Variants in GPR83 observed in about 807,000 individuals in gnomAD.
GPR83 encodes G protein-coupled receptor 83, also known as G-protein coupled receptor 72.
In GPR83, 23 loss-of-function variants were observed where a neutral mutation model predicts 28.0. The observed-to-expected ratio is 0.82, with a 90% CI of 0.59 to 1.16. GPR83 has a LOEUF of 1.16. Ranked by LOEUF, GPR83 falls within the 50% of genes most tolerant of loss-of-function variation. The pLI, the probability that GPR83 is intolerant of heterozygous loss-of-function variation, is 0.00. For synonymous variants in GPR83, 234 were observed against 215.4 expected (o/e 1.09, Z -0.76); for missense variants, 610 against 536.6 (o/e 1.14, Z -1.35).
At chr11:94,386,663 C>T (rs1159994365) in intron 3 of GPR83, among the ~76,000 whole-genome samples, 2 of 152,068 alleles carry the variant, frequency 1.3e-5, no homozygotes, top group African/African-American at 2.4e-5. Flanking sequence ...ACAGGAGCAC[C>T]CAGATTCATA....
At chr11:94,383,569 A>T (rs978351897) in intron 3 of GPR83, among the ~76,000 whole-genome samples, 3 of 152,170 alleles carry the variant, frequency 2.0e-5, no homozygotes, top group Non-Finnish European at 4.4e-5. Flanking sequence ...AAAGATCAAC[A>T]AACTTGATAG....
At chr11:94,397,791 C>T (rs1944879680) in intron 1 of GPR83, among the ~76,000 whole-genome samples, 1 of 152,196 alleles carries the variant, frequency 6.6e-6, no homozygotes, top group Admixed American at 6.5e-5. Context: ...AAGGCATTGG[C>T]ACTGGATCAG....
intron 1 of GPR83, among the ~76,000 whole-genome samples, chr11:94,398,820 C>A (rs760972190): frequency 1.8e-4 from 28 of 152,174 alleles, no homozygotes; most frequent in Non-Finnish European, 2.8e-4. Flanking sequence ...TCCCTCCCCA[C>A]AACCTTCTCC....
Position 94,401,188 on chromosome 11 carries a change from G to C in GPR83, c.60C>G (p.His20Gln). The change falls in exon 1 of 4, where the codon CAC (histidine) becomes CAG (glutamine). Residue 20 changes from histidine (H) to glutamine (Q), a missense_variant. His to Gln is a conservative substitution (Grantham distance 24). Coordinates refer to ENST00000243673, the MANE Select transcript of GPR83 (RefSeq NM_016540.4). ...CGCTCTGCTCGTCGGCCCGGCCCTC[G>C]TGGGGCTCGGTGGCTCGCACCAAGG... Reference protein sequence around the residue: ...LLPLVRATEPHEGRADEQSAE... With the variant: ...LLPLVRATEPQEGRADEQSAE... 1 of 1,613,258 alleles carries C rather than the reference G, an allele frequency of 6.2e-7. No homozygotes were observed. Among genetic ancestry groups the C allele is most frequent in the Non-Finnish European group, 8.5e-7 (1 of 1,179,688 alleles).
chr11:94,401,064 C>A lies in GPR83; in HGVS notation c.184G>T (p.Gly62Cys). The change falls in exon 1 of 4, where the codon GGC (glycine) becomes TGC (cysteine). Residue 62 changes from glycine to cysteine, a missense_variant. Transcript: ENST00000243673. The part of the protein sequence containing the change: ...WQNFVGRRRY[G>C]AESQNPTVKA... ...ACCGTGGGGTTCTGGGACTCAGCGC[C>A]GTAGCGCCTCCTGCCCACAAAGTTC... 2 of 1,614,204 alleles carry A rather than the reference C, an allele frequency of 1.2e-6. No homozygotes were observed. Among genetic ancestry groups the A allele is most frequent in the Non-Finnish European group, 1.7e-6 (2 of 1,180,004 alleles).
intron 3 of GPR83, 141 bp downstream of exon 3, chr11:94,393,344 C>T (rs1184109332): frequency 8.6e-6 from 6 of 694,942 alleles, no homozygotes; most frequent in African/African-American, 1.8e-5. Flanking sequence ...AGGATGGGAG[C>T]GAGCCAGAGA....
chr11:94,381,514 C>T (rs1030772858), intron 3 of GPR83, among the ~76,000 whole-genome samples: 14 of 151,536 alleles, frequency 9.2e-5, no homozygotes, highest in Admixed American at 2.0e-4. Context: ...ATCTGCCTTC[C>T]GAGCCTGTTT....
intron 1 of GPR83, among the ~76,000 whole-genome samples, chr11:94,398,255 G>A (rs1246015975): frequency 6.6e-6 from 1 of 151,976 alleles, no homozygotes; most frequent in Non-Finnish European, 1.5e-5. Context: ...CCTCCTGTTT[G>A]GAATCATCCT....
Position 94,401,024 on chromosome 11 carries a change from A to G in GPR83, c.224T>C (p.Ile75Thr), listed in dbSNP as rs910161922. ...GACAATGATGAAGGAGTAAGCCACA[A>G]TGAGCAGGGCTTTCACCGTGGGGTT... ...SQNPTVKALLIVAYSFIIVFS... is the reference protein window; with the variant it reads ...SQNPTVKALLTVAYSFIIVFS... The change falls in exon 1 of 4, where the codon ATT becomes ACT. Residue 75 changes from isoleucine (I) to threonine (T), a missense_variant. Transcript: ENST00000243673. 12 of 1,614,034 alleles carry G rather than the reference A, an allele frequency of 7.4e-6. No individual in the cohort carries two copies. The highest frequency in any genetic ancestry group is 1.3e-5 in the African/African-American group (1 of 74,954).
At chr11:94,394,071 G>T (rs1944843831) in intron 2 of GPR83, among the ~76,000 whole-genome samples, 1 of 152,156 alleles carries the variant, frequency 6.6e-6, no homozygotes, top group Non-Finnish European at 1.5e-5. Flanking sequence ...CTGAACCAGG[G>T]TCCAGTGAGA....
rs1097 is a variant in GPR83 at position 94,377,508 on chromosome 11, G to C, written c.*2641C>G. ...CAGTGGGTTCTCCCCAGAGTAAAAG[G>C]GTTTTCTCTGGGACTTGGCAGTACT... On this transcript the variant is annotated 3_prime_UTR_variant, in exon 4 of 4. Coordinates refer to ENST00000243673, the MANE Select transcript of GPR83 (RefSeq NM_016540.4). 0.65 allele frequency: 98,940 copies of C among 152,030 alleles called. 32,587 individuals are homozygous for C. The highest frequency in any genetic ancestry group is 0.76 in the Middle Eastern group (222 of 294). The allele number at this position is 152,030 out of a possible 1,614,324, so 9.4% of individuals were successfully genotyped here.
chr11:94,379,203 C>G lies in GPR83; in HGVS notation c.*946G>C, dbSNP rs1194545321. 2.0e-5 allele frequency: 3 copies of G among 152,014 alleles called. No individual in the cohort carries two copies. The highest frequency in any genetic ancestry group is 6.6e-5 in the Admixed American group (1 of 15,248). The allele number at this position is 152,014 out of a possible 1,614,324, so 9.4% of individuals were successfully genotyped here. A position where few individuals can be genotyped will look rare whatever the true frequency, so the allele number is the denominator to read the frequency against. On this transcript the variant is annotated 3_prime_UTR_variant, in exon 4 of 4. Coordinates refer to ENST00000243673, the MANE Select transcript of GPR83 (RefSeq NM_016540.4). ...TGGCTAACACGGTGAAACCCCGTCT[C>G]TACTAAAAATGCAAAAGATTAGCCG...
chr11:94,399,644 C>A (rs1406488418), intron 1 of GPR83, among the ~76,000 whole-genome samples: 2 of 152,170 alleles, frequency 1.3e-5, no homozygotes, highest in African/African-American at 4.8e-5. Context: ...TGTGGGGGTT[C>A]ATCCTGTGTT....
At chr11:94,399,183 C>T (rs575767554) in intron 1 of GPR83, among the ~76,000 whole-genome samples, 5 of 152,240 alleles carry the variant, frequency 3.3e-5, no homozygotes, top group Non-Finnish European at 7.4e-5. Flanking sequence ...GGTCAGAAAC[C>T]AAGGGAGGCG....
intron 2 of GPR83, 134 bp from the exon 3 acceptor site, chr11:94,393,752 G>C (rs1944841123): frequency 1.4e-6 from 1 of 738,404 alleles, no homozygotes; most frequent in African/African-American, 1.7e-5. Flanking sequence ...CTTGAGCCCA[G>C]GAGTTCTAGA....
intron 2 of GPR83, among the ~76,000 whole-genome samples, chr11:94,394,483 C>T (rs191123590): frequency 6.6e-6 from 1 of 152,274 alleles, no homozygotes; most frequent in Admixed American, 6.5e-5. Context: ...TTAAAACCAT[C>T]CTCATTTTCA....
intron 3 of GPR83, 120 bp downstream of exon 3, chr11:94,393,364 TA>T (rs1944836074): frequency 1.2e-6 from 1 of 827,644 alleles, no homozygotes; most frequent in African/African-American, 1.7e-5. Context: ...AAAGACTCAG[TA>T]AGACAGGTAC....
At chr11:94,380,914 A>G (rs2134680838) in intron 3 of GPR83, 141 bp from the exon 4 acceptor site, 2 of 675,028 alleles carry the variant, frequency 3.0e-6, no homozygotes, top group East Asian at 2.7e-5. Flanking sequence ...TTGATGCTGT[A>G]GCCTAATTAT....
chr11:94,391,100 A>G (rs927116999), intron 3 of GPR83, among the ~76,000 whole-genome samples: 1 of 152,240 alleles, frequency 6.6e-6, no homozygotes, highest in Non-Finnish European at 1.5e-5. Flanking sequence ...TAACCAAAAC[A>G]GCATGTTGCT....
Sources: gnomAD v4.1 joint callset for allele counts (sites outside exome capture counted in the v4.1 genomes callset) on GRCh38, gnomAD v4.1.1 for gene constraint, MANE v1.5 for transcripts, NCBI Gene and HGNC (gene_info 2026-07-23, HGNC 2026-07-21) for gene names.